MYBBP1A: variants seen among roughly 807,000 people sequenced by gnomAD.
MYBBP1A encodes the protein myb-binding protein 1A.
Under a neutral mutation model 136.3 loss-of-function variants are expected in MYBBP1A, and 147 were observed. The observed-to-expected ratio is 1.08, with a 90% CI of 0.94 to 1.24. The LOEUF (loss-of-function observed/expected upper bound fraction) is 1.24. Among genes scored for constraint, MYBBP1A ranks in the 50% most tolerant of loss-of-function variants. The pLI is 0.00. For missense variants in MYBBP1A, 2,060 were observed against 1,727.4 expected (o/e 1.19, Z -3.41); for synonymous variants, 947 against 735.8 (o/e 1.29, Z -4.65).
intron 2 of MYBBP1A, among the ~76,000 whole-genome samples, 189 bp from the exon 3 acceptor site, chr17:4,554,467 C>G (rs1177658923): frequency 3.3e-5 from 5 of 152,194 alleles, no homozygotes; most frequent in African/African-American, 1.2e-4. Context: ...GGTCTTCTCT[C>G]CGCACGTGGT....
Position 4,550,140 on chromosome 17 carries a change from T to C in MYBBP1A, c.1237A>G (p.Met413Val), listed in dbSNP as rs140998973. Residue 413 changes from methionine (M) to valine (V), a missense_variant, in exon 9 of 26, where the codon ATG (methionine) becomes GTG (valine). Met to Val is a conservative substitution (Grantham distance 21). Transcript: ENST00000254718. ...LQGYVAWLRA[M>V]FLQPDLDSLV... ...GAGTCCAGGTCTGGCTGGAGAAACATGGCCCGCAGCCAGGCCACATAGCCC... is the reference window on the plus strand; with the variant it reads ...GAGTCCAGGTCTGGCTGGAGAAACACGGCCCGCAGCCAGGCCACATAGCCC... 5.8e-5 allele frequency: 94 copies of C among 1,613,868 alleles called. No homozygotes were observed. The highest frequency in any genetic ancestry group is 3.7e-4 in the Admixed American group (22 of 60,002).
In MYBBP1A at chr17:4,554,258, G is replaced by A. The variant is rs767432661; in HGVS notation, c.315C>T (p.Asp105=). ...GCTGCAGGATGCTGCACAAGGGGAG[G>A]TCTTCAAAAGACTGTAACAGCTGCC... The part of the protein sequence containing the change: ...ALAQLLQSFE[D]LPLCSILQQI... Residue 105 remains aspartate, a synonymous_variant, in exon 3 of 26, where the codon GAC becomes GAT. Coordinates refer to ENST00000254718, the MANE Select transcript of MYBBP1A (RefSeq NM_014520.4). The A allele has an allele frequency of 4.3e-6, 7 of 1,613,934 alleles. No individual in the cohort carries two copies. The highest frequency in any genetic ancestry group is 3.3e-5 in the South Asian group (3 of 91,084).
At position 4,539,602 on chromosome 17, in the gene MYBBP1A, GA is replaced by G; in HGVS notation, c.3799del (p.Ser1267ProfsTer56). The G allele has an allele frequency of 6.2e-7, 1 of 1,614,110 alleles. No individual in the cohort carries two copies. The highest frequency in any genetic ancestry group is 8.5e-7 in the Non-Finnish European group (1 of 1,180,032). On this transcript the variant is annotated frameshift_variant, in exon 26 of 26. Coordinates refer to ENST00000254718, the MANE Select transcript of MYBBP1A (RefSeq NM_014520.4). LOFTEE classifies it low-confidence loss of function (END_TRUNC). The part of the protein sequence containing the change: ...KPSQVNGAPG[S>X]PTEPAGQKQH... The stretch of plus-strand genomic sequence containing the variant: ...CTTTTGGCCTGCAGGTTCCGTGGGG[GA>G]CCCGGGAGCTCCATTCACCTGGGAC...
chr17:4,550,044 CAA>C lies in MYBBP1A; in HGVS notation c.1319+12_1319+13del. 1 of 1,597,202 alleles carries C rather than the reference CAA, an allele frequency of 6.3e-7. No individual in the cohort carries two copies. The highest frequency in any genetic ancestry group is 8.5e-7 in the Non-Finnish European group (1 of 1,169,740). ...AACTCCTAAATTAGGTGTCCTCCCC[CAA>C]GGTCCACTCACATGTGGAGCGATGA... On this transcript the variant is annotated intron_variant, in intron 9 of 25. Transcript: ENST00000254718.
intron 25 of MYBBP1A, 37 bp from the exon 26 acceptor site, chr17:4,540,004 G>A (rs1168654067): frequency 1.8e-5 from 29 of 1,577,562 alleles, no homozygotes; most frequent in African/African-American, 4.0e-5. Context: ...GGTGCCCATC[G>A]AGGGCAGCAG....
At position 4,545,658 on chromosome 17, in the gene MYBBP1A, G is replaced by A; in HGVS notation, c.2025C>T (p.Gly675=). The change falls in exon 15 of 26, where the codon GGC becomes GGT. Residue 675 remains glycine (G), a synonymous_variant. Transcript: ENST00000254718. ...GCGGGGTCAGGTGGGAGCAGATGTG[G>A]CCAAACACGCTCCGGGCCACCTGGC... ...LMRQVARSVF[G]HICSHLTPRA... is the part of the protein sequence containing the mutation. The A allele has an allele frequency of 1.2e-6, 2 of 1,610,950 alleles. No individual in the cohort carries two copies. Among genetic ancestry groups the A allele is most frequent in the Non-Finnish European group, 1.7e-6 (2 of 1,177,974 alleles).
chr17:4,543,887 T>TC lies in MYBBP1A; in HGVS notation c.2639+601_2639+602insG, dbSNP rs1264296842. 9.8e-3 allele frequency among the ~76,000 whole-genome samples: 1,253 copies of TC among 127,290 alleles called. 13 individuals are homozygous for TC. Among genetic ancestry groups the TC allele is most frequent in the South Asian group, 0.029 (109 of 3,782 alleles). 83.5% of individuals were successfully genotyped at this position (127,290 alleles called of 152,430 possible). ...GAAAAGGCAAACCAGACTCAGACCC[T>TC]TCCCCACGCCACTGCTCTTGCTGAT... is the stretch of plus-strand genomic sequence containing the variant. On this transcript the variant is annotated intron_variant, in intron 19 of 25. Transcript: ENST00000254718.
At position 4,545,134 on chromosome 17, in the gene MYBBP1A, A is replaced by C; in HGVS notation, c.2202T>G (p.Ser734Arg). 6.2e-7 allele frequency: 1 copy of C among 1,609,066 alleles called. No homozygotes were observed. Among genetic ancestry groups the C allele is most frequent in the Non-Finnish European group, 8.5e-7 (1 of 1,178,756 alleles). Residue 734 changes from serine (S) to arginine (R), a missense_variant, in exon 17 of 26, where the codon AGT (serine) becomes AGG (arginine). By Grantham distance (110) the Ser-to-Arg change is moderately radical. Transcript: ENST00000254718. ...EEGEDNRSSE[S>R]EEESEGEESE... ...TCTCCTCCCCCTCGCTCTCCTCTTC[A>C]CTCTCTGAGCTTCTGTTGTCCTCAC...
chr17:4,551,446 C>T (rs887038379), intron 8 of MYBBP1A, among the ~76,000 whole-genome samples: 9 of 152,240 alleles, frequency 5.9e-5, no homozygotes, highest in African/African-American at 1.4e-4. Context: ...CAGTGGCTCA[C>T]GTCTGTAATC....
At position 4,552,290 on chromosome 17, in the gene MYBBP1A, A is replaced by T. The variant is rs761406716; in HGVS notation, c.740T>A (p.Leu247Gln). The change falls in exon 7 of 26, where the codon CTG becomes CAG. Residue 247 changes from leucine (L) to glutamine (Q), a missense_variant and splice_region_variant. Transcript: ENST00000254718. The surrounding 1 kb of genome is among the most constrained non-coding windows in gnomAD (Gnocchi z 4.7). ...GGCGGCCATCTTCAGCACATTCACC[A>T]GCCTGCGGAGGGCAAGGGACTCAGG... ...NLFSDENVPR[L>Q]VNVLKMAASS... 3.1e-6 allele frequency: 5 copies of T among 1,613,972 alleles called. No individual in the cohort carries two copies. The East Asian group carries it at 1.1e-4, about 36-fold the overall frequency.
chr17:4,543,034 A>C lies in MYBBP1A; in HGVS notation c.2771T>G (p.Phe924Cys). ...CCGGAGCAGGTAGAGAGAGGCGTTG[A>C]AGTGGTAGAGGGCGGTGGGGGAGTC... ...QPDSPTALYH[F>C]NASLYLLRVL... The change falls in exon 20 of 26, where the codon TTC (phenylalanine) becomes TGC (cysteine). Residue 924 changes from phenylalanine (F) to cysteine (C), a missense_variant. Coordinates refer to ENST00000254718, the MANE Select transcript of MYBBP1A (RefSeq NM_014520.4). 1.9e-6 allele frequency: 3 copies of C among 1,613,760 alleles called. No homozygotes were observed. Among genetic ancestry groups the C allele is most frequent in the Non-Finnish European group, 1.7e-6 (2 of 1,179,950 alleles).
intron 15 of MYBBP1A, 113 bp from the exon 16 acceptor site, chr17:4,545,458 A>AGGC: frequency 6.6e-7 from 1 of 1,516,528 alleles, no homozygotes; most frequent in Non-Finnish European, 8.9e-7. Context: ...AGCCTAGGAG[A>AGGC]GGCGGCCAGG....
intron 10 of MYBBP1A, among the ~76,000 whole-genome samples, 183 bp downstream of exon 10, chr17:4,549,149 G>A (rs988301802): frequency 1.3e-5 from 2 of 152,224 alleles, no homozygotes; most frequent in South Asian, 2.1e-4. Flanking sequence ...CAGCTGGGGT[G>A]CCTCCTGGGC....
chr17:4,548,614 T>G lies in MYBBP1A; in HGVS notation c.1466A>C (p.Lys489Thr). The change falls in exon 11 of 26, where the codon AAG becomes ACG. Residue 489 changes from lysine to threonine, a missense_variant. By Grantham distance (78) the Lys-to-Thr change is moderately conservative. Transcript: ENST00000254718. This position sits in a 1 kb window ranked among gnomAD's most constrained non-coding sequence, Gnocchi z 4.2. ...CLFHSFFVTK[K>T]PTSQIPETKH... ...TGTCTCAGGGATCTGGGATGTGGGC[T>G]TCTTTGTGACAAAGAACGAGTGGAA... 1 of 1,614,192 alleles carries G rather than the reference T, an allele frequency of 6.2e-7. No individual in the cohort carries two copies. The highest frequency in any genetic ancestry group is 8.5e-7 in the Non-Finnish European group (1 of 1,180,006).
At position 4,548,334 on chromosome 17, in the gene MYBBP1A, G is replaced by A. The variant is rs1314780367; in HGVS notation, c.1557-24C>T. The A allele has an allele frequency of 1.2e-5, 19 of 1,609,652 alleles. No homozygotes were observed. Among genetic ancestry groups the A allele is most frequent in the Admixed American group, 1.7e-5 (1 of 59,972 alleles). On this transcript the variant is annotated intron_variant, in intron 11 of 25. Transcript: ENST00000254718. This position sits in a 1 kb window ranked among gnomAD's most constrained non-coding sequence, Gnocchi z 4.2. Reference sequence around the variant, plus strand: ...GACTGGGCAAGGGATGGGGCTTGGGGTCAGCAGACCAGATGAGTCAATGTA... The same window carrying A: ...GACTGGGCAAGGGATGGGGCTTGGGATCAGCAGACCAGATGAGTCAATGTA...
chr17:4,553,142 TC>T (rs923469337), intron 5 of MYBBP1A, among the ~76,000 whole-genome samples: 9 of 152,172 alleles, frequency 5.9e-5, no homozygotes, highest in African/African-American at 2.2e-4. Context: ...TTTTAATTAT[TC>T]CTTTTTTTGG....
In MYBBP1A at chr17:4,552,164, A is replaced by G; in HGVS notation, c.866T>C (p.Val289Ala). 6 of 1,614,162 alleles carry G rather than the reference A, an allele frequency of 3.7e-6. No individual in the cohort carries two copies. Among genetic ancestry groups the G allele is most frequent in the Non-Finnish European group, 5.1e-6 (6 of 1,180,026 alleles). Residue 289 changes from valine (V) to alanine (A), a missense_variant, in exon 7 of 26, where the codon GTG (valine) becomes GCG (alanine). By Grantham distance (64) the Val-to-Ala change is moderately conservative (BLOSUM62 0). Coordinates refer to ENST00000254718, the MANE Select transcript of MYBBP1A (RefSeq NM_014520.4). The surrounding 1 kb of genome is among the most constrained non-coding windows in gnomAD (Gnocchi z 4.7). Reference protein sequence around the residue: ...DKFPRFWKEVVEQGLLKMQFW... With the variant: ...DKFPRFWKEVAEQGLLKMQFW... ...CTGCATCTTCAGCAGCCCTTGTTCC[A>G]CCACCTCCTTCCAGAACCGTGGGAA...
chr17:4,540,218 A>G, intron 25 of MYBBP1A, 130 bp downstream of exon 25: 2 of 1,327,784 alleles, frequency 1.5e-6, no homozygotes, highest in East Asian at 2.4e-5. Context: ...GCTTGAGTGC[A>G]TGTGTGTGCA....
In MYBBP1A at chr17:4,539,754, T is replaced by G. The variant is rs907053486; in HGVS notation, c.3648A>C (p.Thr1216=). 2.5e-6 allele frequency: 4 copies of G among 1,613,122 alleles called. No individual in the cohort carries two copies. In the African/African-American group the frequency reaches 5.3e-5, roughly 22 times the overall value. ...PSMGRKKRNR[T]KAKVPAQANG... ...TTGCCTGGGCTGGGACCTTAGCCTT[T>G]GTCCTGTTCCTCTTCTTCCTGCCCA... is the stretch of plus-strand genomic sequence containing the variant. The change falls in exon 26 of 26, where the codon ACA becomes ACC. Residue 1216 remains threonine (T), a synonymous_variant. Transcript: ENST00000254718.
Sources: gnomAD v4.1 joint callset for allele counts (sites outside exome capture counted in the v4.1 genomes callset) on GRCh38, gnomAD v4.1.1 for gene constraint, Gnocchi (gnomAD v3.1) non-coding constraint, MANE v1.5 for transcripts, NCBI Gene and HGNC (gene_info 2026-07-23, HGNC 2026-07-21) for gene names.